KHDC1: variants seen among roughly 807,000 people sequenced by gnomAD.
The protein encoded by KHDC1 is KH homology domain-containing protein 1.
A neutral mutation model predicts 24.7 loss-of-function variants in KHDC1; 21 were observed. The observed-to-expected ratio is 0.85, with a 90% CI of 0.60 to 1.23. The LOEUF (loss-of-function observed/expected upper bound fraction) is 1.23, where lower values mean the gene tolerates loss of function less well. KHDC1 is among the 50% of genes most tolerant of loss of function. The probability of loss-of-function intolerance (pLI) is 0.00; values close to 1 mark genes in which losing one functional copy is unlikely to be tolerated. For missense variants in KHDC1, 274 were observed against 298.5 expected, an observed-to-expected ratio of 0.92 and a Z score of 0.61; for synonymous variants, 98 against 111.7, an observed-to-expected ratio of 0.88 and a Z score of 0.77.
intron 2 of KHDC1, among the ~76,000 whole-genome samples, chr6:73,259,625 T>C (rs1378049351): frequency 6.6e-6 from 1 of 152,192 alleles, no homozygotes; most frequent in Non-Finnish European, 1.5e-5. Flanking sequence ...ACATACTAGT[T>C]ACATGCAGCA....
chr6:73,280,632 T>C (rs1205799481), intron 2 of KHDC1, among the ~76,000 whole-genome samples: 1 of 150,126 alleles, frequency 6.7e-6, no homozygotes, highest in Non-Finnish European at 1.5e-5. Context: ...GTGATTCTCC[T>C]GCCTCAGCCT....
intron 2 of KHDC1, among the ~76,000 whole-genome samples, chr6:73,248,719 G>A (rs2124006): frequency 0.61 from 93,349 of 151,936 alleles, 30,938 homozygotes; most frequent in South Asian, 0.78. Flanking sequence ...TCTTTCGAAT[G>A]AACAAATATT....
At position 73,265,427 on chromosome 6, in the gene KHDC1, G is replaced by T. The variant is rs146268753; in HGVS notation, c.207-22897C>A. On this transcript the variant is annotated intron_variant, in intron 2 of 4. Transcript: ENST00000370384. ...GCCTGTAATCCCAGCTACTCGGGAG[G>T]CTGAGGCAGGAGAATTGCTAGAACC... is the stretch of plus-strand genomic sequence containing the variant. Among the ~76,000 whole-genome samples the T allele has an allele frequency of 5.4e-3, 826 of 151,762 alleles. 12 individuals carry two copies. Among genetic ancestry groups the T allele is most frequent in the African/African-American group, 0.019 (766 of 41,298 alleles).
At chr6:73,250,480 A>T (rs2150556008) in intron 2 of KHDC1, among the ~76,000 whole-genome samples, 1 of 152,380 alleles carries the variant, frequency 6.6e-6, no homozygotes, top group South Asian at 2.1e-4. Context: ...TTTTGCTACC[A>T]ACCTGAAGAG....
intron 1 of KHDC1, chr6:73,293,109 A>G: frequency 1.1e-6 from 1 of 903,328 alleles, no homozygotes; most frequent in Non-Finnish European, 1.8e-6. Flanking sequence ...AAATTAGGTC[A>G]TGTGGTTATG....
chr6:73,278,257 T>C (rs549373589), intron 2 of KHDC1, among the ~76,000 whole-genome samples: 21 of 151,548 alleles, frequency 1.4e-4, no homozygotes, highest in African/African-American at 5.1e-4. Context: ...CCTCAAGTGA[T>C]CCCCCCACCT....
intron 2 of KHDC1, 24 bp from the exon 2 acceptor site, chr6:73,242,554 C>A (rs982103012): frequency 6.2e-7 from 1 of 1,613,838 alleles, no homozygotes; most frequent in Non-Finnish European, 8.5e-7. Context: ...GGGCCAAGTC[C>A]AAGCAACTGG....
At chr6:73,255,167 CTT>C (rs1264545740) in intron 2 of KHDC1, among the ~76,000 whole-genome samples, 1 of 143,690 alleles carries the variant, frequency 7.0e-6, no homozygotes. Flanking sequence ...ATGAAAATGA[CTT>C]AGCTGAATTT....
intron 2 of KHDC1, among the ~76,000 whole-genome samples, chr6:73,261,312 G>A (rs555197100): frequency 2.0e-5 from 3 of 151,454 alleles, no homozygotes; most frequent in South Asian, 4.2e-4. Context: ...GCATGGTGGC[G>A]CATGCCTGTA....
At chr6:73,250,081 G>C (rs553739063) in intron 2 of KHDC1, among the ~76,000 whole-genome samples, 1 of 152,240 alleles carries the variant, frequency 6.6e-6, no homozygotes, top group East Asian at 1.9e-4. Flanking sequence ...ATTTAGCATG[G>C]CTTCTCATGT....
At chr6:73,286,857 C>T (rs944538616) in intron 2 of KHDC1, among the ~76,000 whole-genome samples, 6 of 145,060 alleles carry the variant, frequency 4.1e-5, no homozygotes, top group African/African-American at 1.0e-4. Context: ...CACTCCAGCC[C>T]GGGCAACAGA....
chr6:73,248,364 GTCTCTC>G (rs139528627), intron 2 of KHDC1, among the ~76,000 whole-genome samples: 86 of 147,182 alleles, frequency 5.8e-4, no homozygotes, highest in Middle Eastern at 3.5e-3. Flanking sequence ...TTCTCTCTCT[GTCTCTC>G]TCTCTCTCTC....
chr6:73,247,254 G>A (rs959890111), intron 2 of KHDC1, among the ~76,000 whole-genome samples: 21 of 152,062 alleles, frequency 1.4e-4, no homozygotes, highest in African/African-American at 5.1e-4. Context: ...TGAGATTACA[G>A]GTATGAGCCA....
At chr6:73,258,527 G>A (rs1162664148) in intron 2 of KHDC1, among the ~76,000 whole-genome samples, 1 of 152,146 alleles carries the variant, frequency 6.6e-6, no homozygotes, top group African/African-American at 2.4e-5. Context: ...ACAAGAAAGA[G>A]TCAAATAAGT....
chr6:73,309,802 G>A, exon 1 of KHDC1: 1 of 1,457,490 alleles, frequency 6.9e-7, no homozygotes, highest in Non-Finnish European at 9.2e-7. Flanking sequence ...CCGGCGGGAA[G>A]AGACCAGACA....
At chr6:73,306,029 A>C (rs1436152117) in intron 1 of KHDC1, among the ~76,000 whole-genome samples, 2 of 152,220 alleles carry the variant, frequency 1.3e-5, no homozygotes, top group East Asian at 3.8e-4. Context: ...TTATGAAAGC[A>C]GGTACATATG....
chr6:73,285,689 C>T (rs1306527903), intron 2 of KHDC1, among the ~76,000 whole-genome samples: 1 of 147,632 alleles, frequency 6.8e-6, no homozygotes, highest in African/African-American at 2.5e-5. Context: ...TTTTAGGGTA[C>T]ATGTGCATAT....
chr6:73,262,766 A>C lies in KHDC1; in HGVS notation c.207-20236T>G, dbSNP rs1582561810. 1 of 985,500 alleles carries C rather than the reference A, an allele frequency of 1.0e-6. No homozygotes were observed. The highest frequency in any genetic ancestry group is 4.7e-5 in the South Asian group (1 of 21,292). The allele number at this position is 985,500 out of a possible 1,614,324, so 61.0% of individuals were successfully genotyped here. On this transcript the variant is annotated intron_variant, in intron 2 of 4. Coordinates refer to ENST00000370384, the Ensembl canonical transcript of KHDC1. ...TAAGAAATGTGCAAGATCTAGATGA[A>C]GACCCACCAGATAGGATGCTCTCTT...
At chr6:73,260,491 CA>C (rs1214738082) in intron 2 of KHDC1, among the ~76,000 whole-genome samples, 2 of 151,860 alleles carry the variant, frequency 1.3e-5, no homozygotes, top group South Asian at 2.1e-4. Context: ...AACTATTATG[CA>C]AAAAAAGTTT....
Sources: allele counts gnomAD v4.1 joint callset (sites outside exome capture counted in the v4.1 genomes callset), GRCh38; gene constraint gnomAD v4.1.1; transcripts MANE v1.5; gene names NCBI Gene and HGNC (gene_info 2026-07-23, HGNC 2026-07-21).